SLC12A3: variants seen among roughly 807,000 people sequenced by gnomAD.
The protein encoded by SLC12A3 is solute carrier family 12 member 3.
A neutral mutation model predicts 121.0 loss-of-function variants in SLC12A3; 104 were observed. The ratio of observed to expected loss-of-function variants is 0.86; its 90% CI spans 0.73 to 1.01. SLC12A3 has a LOEUF of 1.01. SLC12A3 is among the 50% of genes least tolerant of loss of function. The pLI, the probability that SLC12A3 is intolerant of heterozygous loss-of-function variation, is 0.00. For missense variants in SLC12A3, 1,328 were observed against 1,356.3 expected, an observed-to-expected ratio of 0.98 and a Z score of 0.33; for synonymous variants, 536 against 533.4, an observed-to-expected ratio of 1.00 and a Z score of -0.07.
chr16:56,902,531 G>GGGGGGGGGGGGC, intron 24 of SLC12A3, 23 bp downstream of exon 24: 6 of 714,538 alleles, frequency 8.4e-6, no homozygotes, highest in Non-Finnish European at 1.2e-5. Context: ...GTGGGGGTGG[G>GGGGGGGGGGGGC]AAACGCGACA....
chr16:56,873,712 T>A (rs551910001), intron 8 of SLC12A3, among the ~76,000 whole-genome samples: 24 of 147,582 alleles, frequency 1.6e-4, no homozygotes, highest in African/African-American at 4.5e-4. Context: ...TATTTTATTT[T>A]TTTTTTTTTG....
chr16:56,904,151 T>G (rs973231271), intron 24 of SLC12A3: 2 of 474,108 alleles, frequency 4.2e-6, no homozygotes, highest in Admixed American at 5.8e-5. Context: ...CTGCTGGTTA[T>G]GGTCATAAAG....
At position 56,913,563 on chromosome 16, in the gene SLC12A3, G is replaced by A; in HGVS notation, c.*158G>A. On this transcript the variant is annotated 3_prime_UTR_variant, in exon 26 of 26. Coordinates refer to ENST00000563236, the MANE Select transcript of SLC12A3 (RefSeq NM_001126108.2). ...AAAAGATGGTAGATTTCCAAATCTG[G>A]CTGGACTCCACTTCCATGGGACACA... 2 of 784,908 alleles carry A rather than the reference G, an allele frequency of 2.5e-6. No homozygotes were observed. The highest frequency in any genetic ancestry group is 2.4e-4 in the Middle Eastern group (1 of 4,228). The allele number at this position is 784,908 out of a possible 1,614,324, so 48.6% of individuals were successfully genotyped here.
At chr16:56,882,769 C>G (rs1017288640) in intron 13 of SLC12A3, among the ~76,000 whole-genome samples, 2 of 151,844 alleles carry the variant, frequency 1.3e-5, no homozygotes, top group Admixed American at 6.6e-5. Flanking sequence ...ATGGTGAAAC[C>G]CTGTCTCTAC....
At chr16:56,904,368 GT>G in intron 24 of SLC12A3, 26 bp from the exon 25 acceptor site, 3 of 1,611,386 alleles carry the variant, frequency 1.9e-6, no homozygotes, top group Non-Finnish European at 1.7e-6. Flanking sequence ...GATATGGGAA[GT>G]GACCACTCGG....
At chr16:56,879,756 T>TA (rs1368674753) in intron 11 of SLC12A3, 107 bp downstream of exon 11, 2 of 805,626 alleles carry the variant, frequency 2.5e-6, no homozygotes, top group African/African-American at 3.4e-5. Context: ...AAGGTGTCAT[T>TA]AGACTGGGGT....
At chr16:56,899,078 A>G (rs1220155657) in intron 22 of SLC12A3, among the ~76,000 whole-genome samples, 1 of 152,208 alleles carries the variant, frequency 6.6e-6, no homozygotes, top group African/African-American at 2.4e-5. Context: ...TTCACTTGTC[A>G]TCATCTAACC....
chr16:56,902,204 C>A, intron 23 of SLC12A3, 169 bp from the exon 24 acceptor site: 1 of 807,652 alleles, frequency 1.2e-6, no homozygotes, highest in Non-Finnish European at 2.0e-6. Context: ...CAGACCCAGC[C>A]AGCAGAGCTG....
At chr16:56,905,107 AG>A (rs1336036781) in intron 25 of SLC12A3, among the ~76,000 whole-genome samples, 2 of 152,172 alleles carry the variant, frequency 1.3e-5, no homozygotes, top group Non-Finnish European at 2.9e-5. Context: ...TGGGAGGCTG[AG>A]GCGGGCAGAT....
intron 19 of SLC12A3, 50 bp downstream of exon 19, chr16:56,890,406 G>A: frequency 6.7e-7 from 1 of 1,496,406 alleles, no homozygotes; most frequent in Non-Finnish European, 9.3e-7. Context: ...CACATTTTTT[G>A]TTTTTAAATG....
At chr16:56,872,906 G>T in intron 8 of SLC12A3, 120 bp downstream of exon 8, 1 of 1,338,134 alleles carries the variant, frequency 7.5e-7, no homozygotes, top group East Asian at 2.3e-5. Flanking sequence ...CTAAAATCCA[G>T]TCCAGTCCAA....
chr16:56,881,920 A>T (rs1388050525), intron 12 of SLC12A3, among the ~76,000 whole-genome samples: 1 of 151,848 alleles, frequency 6.6e-6, no homozygotes, highest in Non-Finnish European at 1.5e-5. Flanking sequence ...GTGGTGGTGC[A>T]TGCCTGTAAT....
intron 25 of SLC12A3, among the ~76,000 whole-genome samples, chr16:56,909,848 G>A (rs188168278): frequency 8.7e-4 from 132 of 152,256 alleles, no homozygotes; most frequent in Non-Finnish European, 1.6e-3. Flanking sequence ...ACATTGTCTA[G>A]CATCTGGGAG....
Position 56,872,464 on chromosome 16 carries a change from T to C in SLC12A3, c.964+2T>C. On this transcript the variant is annotated splice_donor_variant, in intron 7 of 25. Coordinates refer to ENST00000563236, the MANE Select transcript of SLC12A3 (RefSeq NM_001126108.2). LOFTEE classifies it high-confidence loss of function. ...CCAAAGGCTTCTTCAGCTACCGGGG[T>C]ATGTGCTGATCAAGGCCCTGACCAT... 6.2e-7 allele frequency: 1 copy of C among 1,611,280 alleles called. No homozygotes were observed. The highest frequency in any genetic ancestry group is 8.5e-7 in the Non-Finnish European group (1 of 1,177,560).
intron 22 of SLC12A3, among the ~76,000 whole-genome samples, chr16:56,895,762 T>C (rs1473045472): frequency 6.6e-6 from 1 of 152,000 alleles, no homozygotes; most frequent in Non-Finnish European, 1.5e-5. Flanking sequence ...CTATTATGAT[T>C]ACATGGTAAC....
rs140012781 is a variant in SLC12A3 at position 56,886,366 on chromosome 16, C to T, written c.1928C>T (p.Pro643Leu). The T allele has an allele frequency of 1.3e-4, 206 of 1,612,442 alleles. No homozygotes were observed. The highest frequency in any genetic ancestry group is 4.3e-4 in the Admixed American group (26 of 60,016). The part of the protein sequence containing the change: ...EVEDHIKNYR[P>L]QCLVLTGPPN... ...GCCCTTTTCCCTTCCCTCCTCAGCC[C>T]CCAGTGCCTGGTGCTCACGGGGCCC... The change falls in exon 16 of 26, where the codon CCC becomes CTC. Residue 643 changes from proline to leucine, a missense_variant and splice_region_variant. Pro to Leu is a moderately conservative substitution (Grantham distance 98). Transcript: ENST00000563236.
rs2055206265 is a variant in SLC12A3, at chr16:56,879,326, T to C, written c.1335+99T>C. 1.1e-5 allele frequency: 17 copies of C among 1,515,298 alleles called. No individual in the cohort carries two copies. In the South Asian group the frequency reaches 1.8e-4, roughly 16 times the overall value. The allele number at this position is 1,515,298 out of a possible 1,614,324, so 93.9% of individuals were successfully genotyped here. A position where few individuals can be genotyped will look rare whatever the true frequency, so the allele number is the denominator to read the frequency against. Reference sequence around the variant, plus strand: ...GAAGTTTGTTGGGGGGACATAGTTTTGGGGGTTGAGGCCTAGGCTTAGGAG... The same window carrying C: ...GAAGTTTGTTGGGGGGACATAGTTTCGGGGGTTGAGGCCTAGGCTTAGGAG... On this transcript the variant is annotated intron_variant, in intron 10 of 25. Transcript: ENST00000563236.
chr16:56,878,211 C>T (rs1281727881), intron 9 of SLC12A3, 50 bp downstream of exon 9: 1 of 1,366,576 alleles, frequency 7.3e-7, no homozygotes, highest in East Asian at 2.3e-5. Context: ...TGGCCTCCAC[C>T]CTGCAGTGTC....
chr16:56,866,797 AG>A (rs1452867023), intron 1 of SLC12A3, among the ~76,000 whole-genome samples: 1 of 151,930 alleles, frequency 6.6e-6, no homozygotes, highest in African/African-American at 2.4e-5. Flanking sequence ...TAGTAGAGAC[AG>A]GGTTTTACCT....
Sources: allele counts gnomAD v4.1 joint callset (sites outside exome capture counted in the v4.1 genomes callset), GRCh38; gene constraint gnomAD v4.1.1; transcripts MANE v1.5; gene names NCBI Gene and HGNC (gene_info 2026-07-23, HGNC 2026-07-21).